RIMS2: variants seen among roughly 807,000 people sequenced by gnomAD.
The protein encoded by RIMS2 is regulating synaptic membrane exocytosis protein 2.
A neutral mutation model predicts 174.4 loss-of-function variants in RIMS2; 59 were observed. The observed-to-expected ratio is 0.34, with a 90% CI of 0.27 to 0.42. The LOEUF (loss-of-function observed/expected upper bound fraction) is 0.42, where lower values mean the gene tolerates loss of function less well. RIMS2 is among the 10% of genes least tolerant of loss of function. The pLI is 1.00. For synonymous variants in RIMS2, 606 were observed against 572.5 expected, an observed-to-expected ratio of 1.06 and a Z score of -0.84; for missense variants, 1,620 against 1,666.3, an observed-to-expected ratio of 0.97 and a Z score of 0.48.
At chr8:103,789,624 C>T (rs1320401640) in intron 3 of RIMS2, among the ~76,000 whole-genome samples, 1 of 152,024 alleles carries the variant, frequency 6.6e-6, no homozygotes, top group East Asian at 1.9e-4. Context: ...TTGTAGGAGC[C>T]AGGTTAGAAT....
chr8:103,591,302 C>T (rs1036022484), intron 1 of RIMS2, among the ~76,000 whole-genome samples: 1 of 150,834 alleles, frequency 6.6e-6, no homozygotes. Flanking sequence ...TTTATTCATG[C>T]TGGATATGAA....
chr8:103,774,212 ACT>A (rs1344216433), intron 3 of RIMS2, among the ~76,000 whole-genome samples: 3 of 152,190 alleles, frequency 2.0e-5, no homozygotes, highest in Non-Finnish European at 4.4e-5. Context: ...TTATACTGAG[ACT>A]CTGTCTCAAT....
chr8:103,965,641 T>A (rs1336678954), intron 15 of RIMS2, among the ~76,000 whole-genome samples: 1 of 152,146 alleles, frequency 6.6e-6, no homozygotes, highest in Non-Finnish European at 1.5e-5. Context: ...TTTCTTTTCT[T>A]CCTTATTGAA....
At chr8:104,108,140 A>G (rs2098112718) in intron 19 of RIMS2, among the ~76,000 whole-genome samples, 1 of 152,136 alleles carries the variant, frequency 6.6e-6, no homozygotes, top group Non-Finnish European at 1.5e-5. Flanking sequence ...CATCTTTCAA[A>G]AGAATTCTCT....
intron 1 of RIMS2, among the ~76,000 whole-genome samples, chr8:103,558,058 T>C (rs76135007): frequency 0.064 from 9,728 of 152,214 alleles, 395 homozygotes; most frequent in South Asian, 0.088. Flanking sequence ...GTACCTTTAT[T>C]TTTTATTTTA....
chr8:103,512,346 AT>A (rs1382913579), intron 1 of RIMS2, among the ~76,000 whole-genome samples: 2 of 152,218 alleles, frequency 1.3e-5, no homozygotes, highest in Non-Finnish European at 2.9e-5. Context: ...GAGGCAGTAA[AT>A]TTATAGTAGG....
intron 1 of RIMS2, among the ~76,000 whole-genome samples, chr8:103,562,070 T>G (rs940441745): frequency 4.6e-5 from 7 of 152,138 alleles, no homozygotes; most frequent in African/African-American, 2.4e-5. Flanking sequence ...TCCCACAACA[T>G]GTGGGAATTC....
intron 1 of RIMS2, 35 bp from the exon 3 acceptor site, chr8:103,652,589 G>C (rs2096471953): frequency 9.0e-7 from 1 of 1,107,930 alleles, no homozygotes; most frequent in African/African-American, 1.6e-5. Flanking sequence ...TTATTCATTT[G>C]GTTATTCAGT....
intron 3 of RIMS2, among the ~76,000 whole-genome samples, chr8:103,788,629 C>T (rs983103176): frequency 2.0e-5 from 3 of 152,052 alleles, no homozygotes; most frequent in Admixed American, 6.6e-5. Flanking sequence ...TTTGCCCGTT[C>T]TCAGATCTCC....
At chr8:104,025,925 G>A (rs1213156555) in intron 19 of RIMS2, among the ~76,000 whole-genome samples, 1 of 152,128 alleles carries the variant, frequency 6.6e-6, no homozygotes, top group Non-Finnish European at 1.5e-5. Flanking sequence ...TTGTAGTCTA[G>A]GAGCAATAAG....
chr8:103,723,876 C>T (rs1490017326), intron 2 of RIMS2, among the ~76,000 whole-genome samples: 1 of 152,092 alleles, frequency 6.6e-6, no homozygotes, highest in Non-Finnish European at 1.5e-5. Context: ...CTGGTATGGG[C>T]CTACAGCCTG....
intron 1 of RIMS2, among the ~76,000 whole-genome samples, chr8:103,685,609 C>T (rs1211978759): frequency 6.6e-6 from 1 of 152,136 alleles, no homozygotes; most frequent in Non-Finnish European, 1.5e-5. Context: ...TGAATTACTT[C>T]AGCTCCTTTG....
At chr8:103,910,797 G>A (rs574132993) in intron 5 of RIMS2, among the ~76,000 whole-genome samples, 1 of 152,262 alleles carries the variant, frequency 6.6e-6, no homozygotes, top group South Asian at 2.1e-4. Context: ...GGAATGTTTT[G>A]TCTTTTGTCG....
chr8:103,555,062 A>T (rs532343477), intron 1 of RIMS2, among the ~76,000 whole-genome samples: 28 of 152,274 alleles, frequency 1.8e-4, no homozygotes, highest in African/African-American at 5.5e-4. Context: ...AGAGAATTTT[A>T]AAAACTACCT....
rs144795372 is a variant in RIMS2 at position 103,592,183 on chromosome 8, A to G, written c.176+91121A>G. On this transcript the variant is annotated intron_variant, in intron 1 of 23. Transcript: ENST00000504942. ...AGGTTAGAAATCCTAATTTCTCACT[A>G]TAACATTTTCACAATTTTCTTTCTG... is the stretch of plus-strand genomic sequence containing the variant. 3.1e-3 allele frequency among the ~76,000 whole-genome samples: 472 copies of G among 151,366 alleles called. 2 individuals carry two copies. Among genetic ancestry groups the G allele is most frequent in the African/African-American group, 9.6e-3 (397 of 41,512 alleles).
intron 3 of RIMS2, among the ~76,000 whole-genome samples, chr8:103,772,807 G>A (rs1482954330): frequency 6.6e-6 from 1 of 152,094 alleles, no homozygotes; most frequent in Non-Finnish European, 1.5e-5. Context: ...TTCATGTATA[G>A]ACAAGTAATT....
intron 3 of RIMS2, among the ~76,000 whole-genome samples, chr8:103,856,965 A>C (rs2099031191): frequency 6.6e-6 from 1 of 152,062 alleles, no homozygotes; most frequent in African/African-American, 2.4e-5. Flanking sequence ...CAACTCAGTT[A>C]TCTTTAAAAA....
At chr8:103,512,325 T>C (rs1826890384) in intron 1 of RIMS2, among the ~76,000 whole-genome samples, 2 of 152,164 alleles carry the variant, frequency 1.3e-5, no homozygotes, top group African/African-American at 4.8e-5. Flanking sequence ...GAAGGGTGGA[T>C]TTGGAGCTGA....
chr8:103,987,821 G>C (rs1424578133), intron 16 of RIMS2, among the ~76,000 whole-genome samples: 1 of 152,156 alleles, frequency 6.6e-6, no homozygotes, highest in African/African-American at 2.4e-5. Flanking sequence ...GGAAAATATA[G>C]TAAAATGTAA....
Sources: gnomAD v4.1 joint callset for allele counts (sites outside exome capture counted in the v4.1 genomes callset) on GRCh38, gnomAD v4.1.1 for gene constraint, MANE v1.5 for transcripts, NCBI Gene and HGNC (gene_info 2026-07-23, HGNC 2026-07-21) for gene names.